The following CASQ1 variants were observed in gnomAD, a reference collection of about 807,000 sequenced individuals.
CASQ1 encodes calsequestrin 1, also known as calsequestrin-1.
In CASQ1, 40 loss-of-function variants were observed where a neutral mutation model predicts 49.5. The observed-to-expected ratio is 0.81, with a 90% CI of 0.63 to 1.05. CASQ1 has a LOEUF of 1.05. CASQ1 is among the 50% of genes least tolerant of loss of function. CASQ1 has a pLI of 0.00. For missense variants in CASQ1, 469 were observed against 486.9 expected (o/e 0.96, Z 0.35); for synonymous variants, 174 against 187.2 (o/e 0.93, Z 0.58).
At chr1:160,198,547 T>C in intron 7 of CASQ1, 130 bp from the exon 8 acceptor site, 1 of 677,874 alleles carries the variant, frequency 1.5e-6, no homozygotes, top group African/African-American at 1.8e-5. Context: ...AGAATATATC[T>C]GGTCCTGAAG....
Position 160,190,664 on chromosome 1 carries a change from TA to T in CASQ1, c.-86del. Reference sequence around the variant, plus strand: ...CAATCCCCCCTCCCACTTGAGCCCCTAACTCAGAATCTGGGACCCAGGGGCC... The same window carrying T: ...CAATCCCCCCTCCCACTTGAGCCCCTACTCAGAATCTGGGACCCAGGGGCC... On this transcript the variant is annotated 5_prime_UTR_variant, in exon 1 of 11. Transcript: ENST00000368078. 7.8e-7 allele frequency: 1 copy of T among 1,288,360 alleles called. No individual in the cohort carries two copies. Among genetic ancestry groups the T allele is most frequent in the Non-Finnish European group, 1.1e-6 (1 of 928,730 alleles). 79.8% of individuals were successfully genotyped at this position (1,288,360 alleles called of 1,614,324 possible). A position where few individuals can be genotyped will look rare whatever the true frequency, so the allele number is the denominator to read the frequency against.
chr1:160,191,814 T>C (rs1654083084), intron 1 of CASQ1, among the ~76,000 whole-genome samples: 1 of 136,330 alleles, frequency 7.3e-6, no homozygotes, highest in Non-Finnish European at 1.6e-5. Context: ...AGTTTTCTTG[T>C]CCAAGCTCCT....
intron 6 of CASQ1, 75 bp downstream of exon 6, chr1:160,196,102 G>C: frequency 6.7e-7 from 1 of 1,487,164 alleles, no homozygotes; most frequent in South Asian, 1.2e-5. Flanking sequence ...AGATGGGCTG[G>C]GGAAAGCTTA....
chr1:160,199,285 C>G (rs978205223), intron 9 of CASQ1, among the ~76,000 whole-genome samples: 19 of 152,136 alleles, frequency 1.2e-4, no homozygotes, highest in African/African-American at 4.6e-4. Context: ...ATGGGTAGCT[C>G]AGGTGCTAGG....
chr1:160,198,231 C>T (rs919147181), intron 7 of CASQ1: 4 of 160,506 alleles, frequency 2.5e-5, no homozygotes, highest in East Asian at 1.8e-4. Context: ...TATGGCCAGG[C>T]GCAGTGGCTC....
At position 160,197,816 on chromosome 1, in the gene CASQ1, A is replaced by G. The variant is rs570104761; in HGVS notation, c.828+202A>G. 2.0e-5 allele frequency among the ~76,000 whole-genome samples: 3 copies of G among 151,920 alleles called. No homozygotes were observed. In the East Asian group the frequency reaches 5.9e-4, roughly 30 times the overall value. On this transcript the variant is annotated intron_variant, in intron 7 of 10. Transcript: ENST00000368078. ...GGTGGATCACGAGGTCAGGAGATCG[A>G]GACCATCCTGGCTAACACAGTGAAA... is the stretch of plus-strand genomic sequence containing the variant.
chr1:160,191,051 G>A (rs1212118052), intron 1 of CASQ1, 21 bp downstream of exon 1: 3 of 1,611,314 alleles, frequency 1.9e-6, no homozygotes, highest in Non-Finnish European at 2.5e-6. Context: ...GGCACTGCAG[G>A]CCTGCAGAGC....
At chr1:160,200,168 T>C (rs1329315998) in intron 10 of CASQ1, among the ~76,000 whole-genome samples, 1 of 152,200 alleles carries the variant, frequency 6.6e-6, no homozygotes, top group African/African-American at 2.4e-5. Flanking sequence ...TCTTTCCAGA[T>C]CTCCCATTTA....
intron 2 of CASQ1, 142 bp downstream of exon 2, chr1:160,193,028 G>A (rs955461106): frequency 2.8e-5 from 19 of 672,442 alleles, no homozygotes; most frequent in Non-Finnish European, 4.2e-5. Flanking sequence ...GAGGGGGTGA[G>A]AAAATATGAG....
At chr1:160,198,805 C>A in intron 8 of CASQ1, 74 bp downstream of exon 8, 1 of 1,380,562 alleles carries the variant, frequency 7.2e-7, no homozygotes, top group African/African-American at 1.4e-5. Context: ...GCATGGGCCT[C>A]ACTAGGAGGC....
At chr1:160,195,655 C>CA (rs1184440332) in intron 5 of CASQ1, 121 bp downstream of exon 5, 42 of 853,024 alleles carry the variant, frequency 4.9e-5, no homozygotes, top group Admixed American at 2.2e-4. Flanking sequence ...CCTACCTGCC[C>CA]CCCCCCCCGG....
Position 160,192,840 on chromosome 1 carries a change from C to T in CASQ1, c.318C>T (p.Phe106=), listed in dbSNP as rs756773491. ...AQVLEDKGVG[F]GLVDSEKDAA... The stretch of plus-strand genomic sequence containing the variant: ...TCCTAGAAGACAAGGGTGTTGGCTT[C>T]GGGCTGGTAGACTCTGAGAAGGATG... The change falls in exon 2 of 11, where the codon TTC becomes TTT. Residue 106 remains phenylalanine, a synonymous_variant. Transcript: ENST00000368078. 9.9e-6 allele frequency: 16 copies of T among 1,613,432 alleles called. No homozygotes were observed. Among genetic ancestry groups the T allele is most frequent in the East Asian group, 6.7e-5 (3 of 44,876 alleles).
intron 7 of CASQ1, 93 bp from the exon 8 acceptor site, chr1:160,198,584 A>G (rs1053848814): frequency 7.9e-6 from 7 of 884,312 alleles, no homozygotes; most frequent in East Asian, 2.4e-5. Context: ...TTGAGGTTCA[A>G]TGAACATCTA....
At position 160,199,465 on chromosome 1, in the gene CASQ1, CAA is replaced by C. The variant is rs371053849; in HGVS notation, c.985-384_985-383del. On this transcript the variant is annotated intron_variant, in intron 9 of 10. Coordinates refer to ENST00000368078, the MANE Select transcript of CASQ1 (RefSeq NM_001231.5). Reference sequence around the variant, plus strand: ...GCTGTTGAATGAGTAACTGAAAGAACAAAGAGAAACGTGAGAAACATTGGCAC... The same window carrying C: ...GCTGTTGAATGAGTAACTGAAAGAACAGAGAAACGTGAGAAACATTGGCAC... 5.9e-5 allele frequency among the ~76,000 whole-genome samples: 9 copies of C among 152,296 alleles called. No individual in the cohort carries two copies. The East Asian group carries it at 1.7e-3, about 29-fold the overall frequency.
At position 160,195,213 on chromosome 1, in the gene CASQ1, T is replaced by G. The variant is rs962126783; in HGVS notation, c.577+90T>G. ...CCCCACATCACCCAGTGTCTCAGCC[T>G]CTACCTCTGCACTTCCCACCTCTTC... On this transcript the variant is annotated intron_variant, in intron 4 of 10. Coordinates refer to ENST00000368078, the MANE Select transcript of CASQ1 (RefSeq NM_001231.5). The G allele has an allele frequency of 1.2e-5, 10 of 856,048 alleles. No individual in the cohort carries two copies. The African/African-American group carries it at 1.5e-4, about 13-fold the overall frequency. 53.0% of individuals were successfully genotyped at this position (856,048 alleles called of 1,614,324 possible). A position where few individuals can be genotyped will look rare whatever the true frequency, so the allele number is the denominator to read the frequency against.
chr1:160,196,147 T>C, intron 6 of CASQ1, 120 bp downstream of exon 6: 1 of 922,316 alleles, frequency 1.1e-6, no homozygotes, highest in Non-Finnish European at 1.6e-6. Flanking sequence ...TGGAGATGAA[T>C]ACACTTTGGG....
Position 160,191,005 on chromosome 1 carries a change from T to A in CASQ1, c.254T>A (p.Phe85Tyr), listed in dbSNP as rs765193262. ...PEDDKASQRQ[F>Y]EMEELILELA... is the part of the protein sequence containing the mutation. ...GATGACAAGGCCTCACAAAGACAATTTGAGATGGAGGAGCTGATCCTGGAG... is the reference window on the plus strand; with the variant it reads ...GATGACAAGGCCTCACAAAGACAATATGAGATGGAGGAGCTGATCCTGGAG... Residue 85 changes from phenylalanine to tyrosine, a missense_variant, in exon 1 of 11, where the codon TTT (phenylalanine) becomes TAT (tyrosine). Physicochemically the swap from Phe to Tyr is conservative, Grantham distance 22. Transcript: ENST00000368078. 8.1e-6 allele frequency: 13 copies of A among 1,613,780 alleles called. No homozygotes were observed. The highest frequency in any genetic ancestry group is 1.1e-5 in the South Asian group (1 of 91,058).
intron 7 of CASQ1, chr1:160,198,422 T>C (rs1025975044): frequency 2.5e-5 from 8 of 323,082 alleles, no homozygotes; most frequent in Non-Finnish European, 4.6e-5. Flanking sequence ...GAGAATCGCT[T>C]GAACCCGGGA....
intron 2 of CASQ1, among the ~76,000 whole-genome samples, chr1:160,193,420 T>C (rs932918922): frequency 2.8e-4 from 42 of 152,128 alleles, no homozygotes; most frequent in Non-Finnish European, 5.4e-4. Context: ...AATACTCATC[T>C]CTAGTCGTTG....
Sources: gnomAD v4.1 joint callset for allele counts (sites outside exome capture counted in the v4.1 genomes callset) on GRCh38, gnomAD v4.1.1 for gene constraint, MANE v1.5 for transcripts, NCBI Gene and HGNC (gene_info 2026-07-23, HGNC 2026-07-21) for gene names.